The following UGCG variants were observed in gnomAD, a reference collection of about 807,000 sequenced individuals.
UGCG encodes the protein ceramide glucosyltransferase.
UGCG carries 10 observed loss-of-function variants against 49.5 expected under a neutral mutation model. The ratio of observed to expected loss-of-function variants is 0.20; its 90% confidence interval spans 0.12 to 0.34. The LOEUF is 0.34. UGCG is among the 10% of genes least tolerant of loss of function. The probability of loss-of-function intolerance (pLI) is 1.00; values close to 1 mark genes in which losing one functional copy is unlikely to be tolerated. For missense variants in UGCG, 312 were observed against 483.7 expected (o/e 0.65, Z 3.33); for synonymous variants, 182 against 158.2 (o/e 1.15, Z -1.13).
intron 2 of UGCG, among the ~76,000 whole-genome samples, chr9:111,918,798 G>A (rs1684639629): frequency 6.6e-6 from 1 of 151,728 alleles, no homozygotes; most frequent in South Asian, 2.1e-4. Flanking sequence ...AGTGGCGGGT[G>A]CCTGTAGTCC....
At chr9:111,931,480 C>G (rs968119707) in intron 7 of UGCG, 123 bp downstream of exon 7, 12 of 814,884 alleles carry the variant, frequency 1.5e-5, no homozygotes, top group Middle Eastern at 3.5e-4. Flanking sequence ...TGTTTAGTTG[C>G]AGAAAATAGA....
intron 5 of UGCG, among the ~76,000 whole-genome samples, chr9:111,927,737 C>A (rs770200428): frequency 6.6e-6 from 1 of 152,218 alleles, no homozygotes; most frequent in Non-Finnish European, 1.5e-5. Context: ...AGGCGTGAGC[C>A]ACCACGCCCG....
At chr9:111,899,425 C>T (rs1837727473) in intron 1 of UGCG, among the ~76,000 whole-genome samples, 1 of 152,146 alleles carries the variant, frequency 6.6e-6, no homozygotes, top group Non-Finnish European at 1.5e-5. Flanking sequence ...TGTTTATATG[C>T]TAGTTACATT....
intron 2 of UGCG, among the ~76,000 whole-genome samples, chr9:111,921,582 C>T (rs890737694): frequency 1.3e-5 from 2 of 148,654 alleles, no homozygotes; most frequent in Non-Finnish European, 3.0e-5. Context: ...ACCTGGGAGG[C>T]GGAGGTTGCA....
chr9:111,917,462 C>T (rs143581678), intron 2 of UGCG, among the ~76,000 whole-genome samples: 47 of 152,290 alleles, frequency 3.1e-4, no homozygotes, highest in African/African-American at 1.1e-3. Context: ...GACTGCCAGG[C>T]GCAGTGCCCT....
At chr9:111,912,070 A>G (rs1838021850) in intron 1 of UGCG, among the ~76,000 whole-genome samples, 1 of 128,542 alleles carries the variant, frequency 7.8e-6, no homozygotes, top group Admixed American at 7.9e-5. Context: ...GAATCAATTA[A>G]TTGTGTAATA....
chr9:111,921,131 T>G (rs941759619), intron 2 of UGCG, among the ~76,000 whole-genome samples: 5 of 151,926 alleles, frequency 3.3e-5, no homozygotes, highest in African/African-American at 1.2e-4. Flanking sequence ...CTCAAAAACT[T>G]GACCTGAAGT....
chr9:111,900,473 T>C (rs535153093), intron 1 of UGCG, among the ~76,000 whole-genome samples: 70 of 79,352 alleles, frequency 8.8e-4, no homozygotes, highest in African/African-American at 4.1e-3. Flanking sequence ...GGTGTATATG[T>C]ATATGTGTGT....
At chr9:111,909,591 C>G (rs1396752402) in intron 1 of UGCG, among the ~76,000 whole-genome samples, 5 of 152,230 alleles carry the variant, frequency 3.3e-5, no homozygotes, top group African/African-American at 4.8e-5. Context: ...TCACCTGTTG[C>G]TTGTTGCATT....
Position 111,899,645 on chromosome 9 carries a change from A to G in UGCG, c.98+2332A>G, listed in dbSNP as rs150469153. Among the ~76,000 whole-genome samples the G allele has an allele frequency of 1.3e-3, 194 of 152,156 alleles. 4 individuals are homozygous for G. In the East Asian group the frequency reaches 0.034, roughly 26 times the overall value. On this transcript the variant is annotated intron_variant, in intron 1 of 8. Coordinates refer to ENST00000374279, the MANE Select transcript of UGCG (RefSeq NM_003358.3). Reference sequence around the variant, plus strand: ...AGATAGGTCTTTCCGTTTCTTTTACATTTTCTAACTCTGTTATAATTTTTA... The same window carrying G: ...AGATAGGTCTTTCCGTTTCTTTTACGTTTTCTAACTCTGTTATAATTTTTA...
intron 2 of UGCG, among the ~76,000 whole-genome samples, chr9:111,915,206 T>G (rs143428032): frequency 2.0e-4 from 31 of 152,312 alleles, no homozygotes; most frequent in Admixed American, 1.4e-3. Context: ...ACTGTAGGGT[T>G]TCATCTTACC....
intron 1 of UGCG, among the ~76,000 whole-genome samples, chr9:111,913,813 G>T (rs1341427546): frequency 1.3e-5 from 2 of 151,974 alleles, no homozygotes; most frequent in Admixed American, 1.3e-4. Flanking sequence ...TGAGAACGTT[G>T]GCCATTTGGT....
In UGCG at chr9:111,934,799, T is replaced by G. The variant is rs1206686713; in HGVS notation, c.*1802T>G. ...TTATGAACAAAGGCTTGGATGCATA[T>G]TCCTTTCTTTCTGTGAATGGGTATT... On this transcript the variant is annotated 3_prime_UTR_variant, in exon 9 of 9. Coordinates refer to ENST00000374279, the MANE Select transcript of UGCG (RefSeq NM_003358.3). The G allele has an allele frequency of 1.3e-5, 2 of 152,182 alleles. No individual in the cohort carries two copies. The highest frequency in any genetic ancestry group is 2.9e-5 in the Non-Finnish European group (2 of 68,028). The allele number at this position is 152,182 out of a possible 1,614,324, so 9.4% of individuals were successfully genotyped here. A position where few individuals can be genotyped will look rare whatever the true frequency, so the allele number is the denominator to read the frequency against.
chr9:111,914,796 C>A, intron 2 of UGCG, 50 bp downstream of exon 2: 1 of 1,599,538 alleles, frequency 6.3e-7, no homozygotes, highest in Non-Finnish European at 8.5e-7. Flanking sequence ...GTTTTGTTCC[C>A]CTCATGATAA....
At chr9:111,906,415 TTG>T (rs1037098091) in intron 1 of UGCG, among the ~76,000 whole-genome samples, 1 of 151,714 alleles carries the variant, frequency 6.6e-6, no homozygotes, top group African/African-American at 2.4e-5. Context: ...CTTGTTTCTT[TTG>T]TGTGTGTGTT....
Position 111,934,257 on chromosome 9 carries a change from C to CT in UGCG, c.*1261dup, listed in dbSNP as rs1380347669. Reference sequence around the variant, plus strand: ...GATCAGCGCTGGTTGTAAATGCATGCTGTACCTCACTGTTTTCTCCCCATC... The same window carrying CT: ...GATCAGCGCTGGTTGTAAATGCATGCTTGTACCTCACTGTTTTCTCCCCATC... On this transcript the variant is annotated 3_prime_UTR_variant, in exon 9 of 9. Coordinates refer to ENST00000374279, the MANE Select transcript of UGCG (RefSeq NM_003358.3). The CT allele has an allele frequency of 6.6e-6, 1 of 151,586 alleles. No individual in the cohort carries two copies. The highest frequency in any genetic ancestry group is 1.5e-5 in the Non-Finnish European group (1 of 67,960). 9.4% of individuals were successfully genotyped at this position (151,586 alleles called of 1,614,324 possible).
In UGCG at chr9:111,932,955, A is replaced by G. The variant is rs938247604; in HGVS notation, c.1143A>G (p.Arg381=). 2.5e-6 allele frequency: 4 copies of G among 1,610,560 alleles called. No individual in the cohort carries two copies. Among genetic ancestry groups the G allele is most frequent in the Admixed American group, 1.7e-5 (1 of 59,756 alleles). ...TAAGCTGGAGAACTGGTCGCTACAG[A>G]TTACGCTGTGGGGGTACAGCAGAGG... is the stretch of plus-strand genomic sequence containing the variant. The part of the protein sequence containing the change: ...PTISWRTGRY[R]LRCGGTAEEI... The change falls in exon 9 of 9, where the codon AGA becomes AGG. Residue 381 remains arginine (R), a synonymous_variant. Coordinates refer to ENST00000374279, the MANE Select transcript of UGCG (RefSeq NM_003358.3).
Position 111,934,581 on chromosome 9 carries a change from A to G in UGCG, c.*1584A>G, listed in dbSNP as rs1316759502. On this transcript the variant is annotated 3_prime_UTR_variant, in exon 9 of 9. Coordinates refer to ENST00000374279, the MANE Select transcript of UGCG (RefSeq NM_003358.3). ...AGCAATAACTACATATTTATAGAAA[A>G]CACTTTTTCACTTTACTGAGCCAAT... is the stretch of plus-strand genomic sequence containing the variant. The G allele has an allele frequency of 6.6e-6, 1 of 152,128 alleles. No homozygotes were observed. The highest frequency in any genetic ancestry group is 2.4e-5 in the African/African-American group (1 of 41,400). 9.4% of individuals were successfully genotyped at this position (152,128 alleles called of 1,614,324 possible).
At chr9:111,911,579 A>C (rs1837995405) in intron 1 of UGCG, among the ~76,000 whole-genome samples, 3 of 151,950 alleles carry the variant, frequency 2.0e-5, no homozygotes, top group Admixed American at 1.3e-4. Context: ...TAATATTTTT[A>C]GTGATTTGAA....
Sources: allele counts gnomAD v4.1 joint callset (sites outside exome capture counted in the v4.1 genomes callset), GRCh38; gene constraint gnomAD v4.1.1; transcripts MANE v1.5; gene names NCBI Gene and HGNC (gene_info 2026-07-23, HGNC 2026-07-21).